Variants in NCAM1 observed in about 807,000 individuals in gnomAD.
NCAM1 encodes the protein neural cell adhesion molecule 1.
A neutral mutation model predicts 109.8 loss-of-function variants in NCAM1; 14 were observed. The ratio of observed to expected loss-of-function variants is 0.13; its 90% CI spans 0.08 to 0.20. The LOEUF is 0.20. NCAM1 is among the 10% of genes least tolerant of loss of function. NCAM1 has a pLI of 1.00. For synonymous variants in NCAM1, 418 were observed against 442.9 expected, an observed-to-expected ratio of 0.94 and a Z score of 0.70; for missense variants, 774 against 1,109.9, an observed-to-expected ratio of 0.70 and a Z score of 4.30.
intron 3 of NCAM1, 78 bp from the exon 4 acceptor site, chr11:113,205,445 A>C: frequency 6.6e-7 from 1 of 1,520,730 alleles, no homozygotes; most frequent in Non-Finnish European, 8.9e-7. Context: ...ACTCAAGTCC[A>C]GGTACCATGG....
Position 113,199,534 on chromosome 11 carries a change from C to CTTA in NCAM1, c.53-2843_53-2842insATT, listed in dbSNP as rs199836416. Among the ~76,000 whole-genome samples the CTTA allele has an allele frequency of 5.4e-5, 8 of 149,522 alleles. No homozygotes were observed. The East Asian group carries it at 1.6e-3, about 30-fold the overall frequency. On this transcript the variant is annotated intron_variant, in intron 1 of 19. Transcript: ENST00000316851. ...GGTGTTTTGAGGGAGGAATCACTAGCTTTTCCATCTGTGCAAAAGGCCAGG... is the reference window on the plus strand; with the variant it reads ...GGTGTTTTGAGGGAGGAATCACTAGCTTATTTTCCATCTGTGCAAAAGGCCAGG...
intron 1 of NCAM1, among the ~76,000 whole-genome samples, chr11:113,178,740 G>C (rs1173195176): frequency 5.3e-5 from 8 of 152,214 alleles, no homozygotes; most frequent in African/African-American, 1.7e-4. Context: ...TTGATGTCAG[G>C]ACAGAAAATG....
intron 1 of NCAM1, among the ~76,000 whole-genome samples, chr11:112,999,906 A>G (rs554586259): frequency 1.9e-4 from 29 of 152,246 alleles, no homozygotes; most frequent in Non-Finnish European, 4.0e-4. Context: ...ACATCAGCTT[A>G]TGAATAAACA....
chr11:112,993,510 A>G (rs1311067992), intron 1 of NCAM1, among the ~76,000 whole-genome samples: 2 of 152,226 alleles, frequency 1.3e-5, no homozygotes, highest in Admixed American at 1.3e-4. Context: ...TCAGTTGTCA[A>G]CTGTAGATGA....
At chr11:113,268,425 C>A (rs1421507825) in intron 17 of NCAM1, among the ~76,000 whole-genome samples, 1 of 152,158 alleles carries the variant, frequency 6.6e-6, no homozygotes, top group African/African-American at 2.4e-5. Context: ...GCGAGGTCAG[C>A]AGGGACCAGC....
chr11:113,241,178 G>A (rs782292392), intron 14 of NCAM1, among the ~76,000 whole-genome samples: 10 of 152,214 alleles, frequency 6.6e-5, no homozygotes, highest in Non-Finnish European at 1.2e-4. Context: ...AATTGACCAA[G>A]AAAAATGTCT....
intron 1 of NCAM1, among the ~76,000 whole-genome samples, chr11:113,014,580 G>A (rs1952160501): frequency 6.6e-6 from 1 of 152,200 alleles, no homozygotes; most frequent in African/African-American, 2.4e-5. Context: ...GAATGCTGTA[G>A]TGAAACACAA....
At chr11:113,191,773 GTATA>G (rs10552025) in intron 1 of NCAM1, among the ~76,000 whole-genome samples, 137 of 139,112 alleles carry the variant, frequency 9.8e-4, no homozygotes, top group Admixed American at 1.5e-3. Flanking sequence ...GTGTGTGTGT[GTATA>G]TATATATATA....
At chr11:113,177,121 G>A (rs1330681331) in intron 1 of NCAM1, among the ~76,000 whole-genome samples, 4 of 152,216 alleles carry the variant, frequency 2.6e-5, no homozygotes, top group African/African-American at 4.8e-5. Flanking sequence ...ATCCTGGGAT[G>A]TGTTTTTTCT....
At chr11:113,162,096 T>C (rs1353372097) in intron 1 of NCAM1, among the ~76,000 whole-genome samples, 2 of 152,202 alleles carry the variant, frequency 1.3e-5, no homozygotes, top group Non-Finnish European at 2.9e-5. Flanking sequence ...TTTATTTCTG[T>C]ATAATCTGTA....
intron 1 of NCAM1, among the ~76,000 whole-genome samples, chr11:112,971,402 G>C (rs1229618233): frequency 1.3e-5 from 2 of 152,070 alleles, no homozygotes; most frequent in Non-Finnish European, 2.9e-5. Context: ...AGTGGAGTAA[G>C]AGTACGTCAG....
chr11:112,997,509 T>C (rs1300676215), intron 1 of NCAM1, among the ~76,000 whole-genome samples: 1 of 152,188 alleles, frequency 6.6e-6, no homozygotes, highest in Non-Finnish European at 1.5e-5. Context: ...ATTTTCAATT[T>C]TCCTTTTATA....
At chr11:113,203,797 G>A (rs782524381) in intron 2 of NCAM1, among the ~76,000 whole-genome samples, 24 of 152,242 alleles carry the variant, frequency 1.6e-4, no homozygotes, top group Non-Finnish European at 3.2e-4. Flanking sequence ...GTTGGAATCT[G>A]CACTCCTATA....
chr11:113,022,153 C>G (rs1180098825), intron 1 of NCAM1, among the ~76,000 whole-genome samples: 1 of 152,158 alleles, frequency 6.6e-6, no homozygotes, highest in Non-Finnish European at 1.5e-5. Flanking sequence ...AGCCAACAGG[C>G]CTCTGACTTA....
chr11:113,266,495 C>A (rs915002031), intron 17 of NCAM1, among the ~76,000 whole-genome samples: 5 of 152,256 alleles, frequency 3.3e-5, no homozygotes, highest in Middle Eastern at 3.4e-3. Flanking sequence ...GCACAGTGCA[C>A]CCTGGGGTGG....
intron 14 of NCAM1, chr11:113,243,506 G>T (rs782677198): frequency 3.9e-6 from 2 of 511,184 alleles, no homozygotes; most frequent in Non-Finnish European, 7.8e-6. Flanking sequence ...TTTATCTCTT[G>T]ACAATAGAGT....
chr11:112,996,967 A>G (rs1238762115), intron 1 of NCAM1, among the ~76,000 whole-genome samples: 1 of 152,212 alleles, frequency 6.6e-6, no homozygotes, highest in African/African-American at 2.4e-5. Flanking sequence ...GGTAAGGATT[A>G]CTTTATCAGC....
intron 1 of NCAM1, among the ~76,000 whole-genome samples, chr11:113,071,637 G>A (rs2135569003): frequency 6.6e-6 from 1 of 152,130 alleles, no homozygotes; most frequent in African/African-American, 2.4e-5. Flanking sequence ...GTGTTAGCCA[G>A]GATGGTCTCA....
At chr11:113,194,886 T>C (rs1943807635) in intron 1 of NCAM1, among the ~76,000 whole-genome samples, 1 of 152,204 alleles carries the variant, frequency 6.6e-6, no homozygotes, top group African/African-American at 2.4e-5. Context: ...ACCTAGCAGA[T>C]CACTTCTAGA....
Sources: gnomAD v4.1 joint callset for allele counts (sites outside exome capture counted in the v4.1 genomes callset) on GRCh38, gnomAD v4.1.1 for gene constraint, MANE v1.5 for transcripts, NCBI Gene and HGNC (gene_info 2026-07-23, HGNC 2026-07-21) for gene names.